The following KHDRBS2 variants were observed in gnomAD, a reference collection of about 807,000 sequenced individuals.
KHDRBS2 encodes KH RNA binding domain containing, signal transduction associated 2.
Under a neutral mutation model 44.3 loss-of-function variants are expected in KHDRBS2, and 26 were observed. The observed-to-expected ratio is 0.59, with a 90% confidence interval of 0.43 to 0.81. The LOEUF is 0.81. Ranked by LOEUF, KHDRBS2 falls within the 40% of genes least tolerant of loss-of-function variation. The pLI is 0.00. For missense variants in KHDRBS2, 476 were observed against 433.1 expected (o/e 1.10, Z -0.88); for synonymous variants, 194 against 151.1 (o/e 1.28, Z -2.08).
At chr6:61,587,631 T>C in the KHDRBS2 span, among the ~76,000 whole-genome samples, 1 of 152,130 alleles carries the variant, frequency 6.6e-6, no homozygotes, top group African/African-American at 2.4e-5. Context: ...CTAGTACTAG[T>C]TTTGGCCCCA....
intron 3 of KHDRBS2, among the ~76,000 whole-genome samples, chr6:62,003,381 T>C (rs1778627141): frequency 6.6e-6 from 1 of 152,266 alleles, no homozygotes; most frequent in African/African-American, 2.4e-5. Context: ...TCAACTAAAA[T>C]GTAATTCTTG....
At chr6:61,597,530 G>C in the KHDRBS2 span, among the ~76,000 whole-genome samples, 1 of 151,364 alleles carries the variant, frequency 6.6e-6, no homozygotes, top group Non-Finnish European at 1.5e-5. Flanking sequence ...TCTCATATTT[G>C]TTCTTACTAA....
At chr6:62,255,974 A>C (rs1485177226) in intron 1 of KHDRBS2, among the ~76,000 whole-genome samples, 1 of 151,842 alleles carries the variant, frequency 6.6e-6, no homozygotes, top group Admixed American at 6.6e-5. Flanking sequence ...TTTACTAAAA[A>C]AAAAATAAAA....
At chr6:61,810,958 A>G (rs539894840) in intron 6 of KHDRBS2, among the ~76,000 whole-genome samples, 1 of 152,082 alleles carries the variant, frequency 6.6e-6, no homozygotes, top group Non-Finnish European at 1.5e-5. Flanking sequence ...TTAAGTTAGA[A>G]TTTCCATTTT....
Position 62,122,200 on chromosome 6 carries a change from G to A in KHDRBS2, c.219+54985C>T, listed in dbSNP as rs567602484. On this transcript the variant is annotated intron_variant, in intron 2 of 8. Coordinates refer to ENST00000281156, the MANE Select transcript of KHDRBS2 (RefSeq NM_152688.4). The stretch of plus-strand genomic sequence containing the variant: ...GCTTGAGGTGTCAGTGGCAGATAGG[G>A]ATGCTATTTGGAGCCTTTGGCAGGC... Among the ~76,000 whole-genome samples, 4 of 152,268 alleles carry A rather than the reference G, an allele frequency of 2.6e-5. No homozygotes were observed. The South Asian group carries it at 8.3e-4, about 32-fold the overall frequency.
At chr6:61,979,337 C>T (rs1188346184) in intron 3 of KHDRBS2, among the ~76,000 whole-genome samples, 1 of 152,064 alleles carries the variant, frequency 6.6e-6, no homozygotes, top group Non-Finnish European at 1.5e-5. Flanking sequence ...CAACCAGCAG[C>T]TACTTCACTA....
intron 7 of KHDRBS2, among the ~76,000 whole-genome samples, chr6:61,699,032 G>A (rs560550913): frequency 2.0e-4 from 31 of 151,992 alleles, no homozygotes; most frequent in African/African-American, 7.0e-4. Flanking sequence ...TTTATTTATT[G>A]GCTGTTCCCC....
At chr6:62,017,545 C>A (rs969221464) in intron 3 of KHDRBS2, among the ~76,000 whole-genome samples, 1 of 152,008 alleles carries the variant, frequency 6.6e-6, no homozygotes, top group Admixed American at 6.6e-5. Flanking sequence ...CTATGAAAAA[C>A]TCTTAAAAAA....
chr6:61,942,051 C>A (rs1248256858), intron 4 of KHDRBS2, among the ~76,000 whole-genome samples: 1 of 151,980 alleles, frequency 6.6e-6, no homozygotes, highest in Admixed American at 6.6e-5. Flanking sequence ...GCCTTGAACT[C>A]CTGGGCTCAA....
chr6:61,572,510 C>T, the KHDRBS2 span, among the ~76,000 whole-genome samples: 2 of 151,832 alleles, frequency 1.3e-5, no homozygotes, highest in African/African-American at 4.8e-5. Flanking sequence ...AAAGACATAA[C>T]AAACAAACAA....
chr6:62,169,108 CATATATGTGTGTAT>C (rs1562991307), intron 2 of KHDRBS2, among the ~76,000 whole-genome samples: 1 of 129,986 alleles, frequency 7.7e-6, no homozygotes, highest in Non-Finnish European at 1.6e-5. Flanking sequence ...TATATATACA[CATATATGTGTGTAT>C]ATATACATAT....
At chr6:61,662,701 T>C in the KHDRBS2 span, among the ~76,000 whole-genome samples, 1 of 151,954 alleles carries the variant, frequency 6.6e-6, no homozygotes, top group Non-Finnish European at 1.5e-5. Context: ...CACAATGAGG[T>C]ACCATCTCAC....
intron 6 of KHDRBS2, among the ~76,000 whole-genome samples, chr6:61,839,413 C>T (rs1474412804): frequency 6.6e-6 from 1 of 151,570 alleles, no homozygotes; most frequent in Admixed American, 6.6e-5. Flanking sequence ...GTGAAAAAAA[C>T]GACTGAGGAA....
At chr6:62,084,979 C>G (rs974604091) in intron 2 of KHDRBS2, among the ~76,000 whole-genome samples, 2 of 152,078 alleles carry the variant, frequency 1.3e-5, no homozygotes, top group East Asian at 1.9e-4. Context: ...TAACAAAACA[C>G]TTAAATGTGT....
rs192821261 is a variant in KHDRBS2, at chr6:62,106,387, T to C, written c.220-58393A>G. ...TAATGTGGATAGTGGGGTGTTAAAG[T>C]CTCCCATTATTATTGTGTGGGAGTC... On this transcript the variant is annotated intron_variant, in intron 2 of 8. Transcript: ENST00000281156. Among the ~76,000 whole-genome samples, 377 of 152,216 alleles carry C rather than the reference T, an allele frequency of 2.5e-3. 3 individuals are homozygous for C. Among genetic ancestry groups the C allele is most frequent in the African/African-American group, 8.3e-3 (344 of 41,526 alleles).
At chr6:61,618,708 G>A in the KHDRBS2 span, among the ~76,000 whole-genome samples, 4 of 152,136 alleles carry the variant, frequency 2.6e-5, no homozygotes, top group African/African-American at 7.2e-5. Context: ...CCACTTCTAA[G>A]TGAGAACATG....
At chr6:61,644,240 T>C in the KHDRBS2 span, among the ~76,000 whole-genome samples, 2 of 152,156 alleles carry the variant, frequency 1.3e-5, no homozygotes, top group African/African-American at 4.8e-5. Flanking sequence ...CTGGGATAAC[T>C]GGCTAGCCTT....
the KHDRBS2 span, among the ~76,000 whole-genome samples, chr6:61,613,605 C>A: frequency 6.6e-6 from 1 of 151,906 alleles, no homozygotes; most frequent in Non-Finnish European, 1.5e-5. Flanking sequence ...TTTCTGCAGT[C>A]ATTACAATCT....
the KHDRBS2 span, among the ~76,000 whole-genome samples, chr6:61,572,345 T>C: frequency 6.6e-6 from 1 of 151,698 alleles, no homozygotes; most frequent in African/African-American, 2.4e-5. Context: ...TGCCAACAAA[T>C]AAAAGTTCAG....
Sources: allele counts gnomAD v4.1 joint callset (sites outside exome capture counted in the v4.1 genomes callset), GRCh38; gene constraint gnomAD v4.1.1; transcripts MANE v1.5; gene names NCBI Gene and HGNC (gene_info 2026-07-23, HGNC 2026-07-21).